OBSL1: variants seen among roughly 807,000 people sequenced by gnomAD.
OBSL1 encodes obscurin like cytoskeletal adaptor 1, also known as obscurin-like protein 1.
In OBSL1, 160 loss-of-function variants were observed where a neutral mutation model predicts 172.0. The observed-to-expected ratio is 0.93, with a 90% CI of 0.82 to 1.06. OBSL1 has a LOEUF of 1.06. Ranked by LOEUF, OBSL1 falls within the 50% of genes least tolerant of loss-of-function variation. OBSL1 has a pLI of 0.00. For synonymous variants in OBSL1, 1,200 were observed against 1,196.3 expected, an observed-to-expected ratio of 1.00 and a Z score of -0.06; for missense variants, 2,681 against 2,715.4, an observed-to-expected ratio of 0.99 and a Z score of 0.28.
Position 219,551,771 on chromosome 2 carries a change from G to A in OBSL1, c.5441C>T (p.Pro1814Leu), listed in dbSNP as rs199592039. Residue 1814 changes from proline (P) to leucine (L), a missense_variant, in exon 20 of 21, where the codon CCC (proline) becomes CTC (leucine). Around this residue, in one of 5 missense-constraint regions of OBSL1, gnomAD observed 1,765 missense variants for 1,748.3 expected, o/e 1.01. Coordinates refer to ENST00000404537, the MANE Select transcript of OBSL1 (RefSeq NM_015311.3). ...EALPLQMCRH[P>L]PREKTVLVGR... The stretch of plus-strand genomic sequence containing the variant: ...CACCAGAACGGTCTTCTCGCGAGGG[G>A]GGTGGCGGCACATCTGGAGAGGCAA... 397 of 1,591,990 alleles carry A rather than the reference G, an allele frequency of 2.5e-4. No homozygotes were observed. The highest frequency in any genetic ancestry group is 3.3e-4 in the Non-Finnish European group (382 of 1,167,238).
At chr2:219,549,419 C>T, downstream of OBSL1, 1 of 1,543,500 alleles carries the variant, frequency 6.5e-7, no homozygotes, top group Non-Finnish European at 8.8e-7. Context: ...CCAAACAGGA[C>T]TGGGCTTTCC....
Position 219,561,617 on chromosome 2 carries a change from G to A in OBSL1, c.2953+785C>T, listed in dbSNP as rs549371213. ...CCGTGTCTGCGTGCTGCTGGCTCCC[G>A]TGTGTGGAAGGGTGACTTTCTCCCA... On this transcript the variant is annotated intron_variant, in intron 8 of 20. Transcript: ENST00000404537. 240 of 459,632 alleles carry A rather than the reference G, an allele frequency of 5.2e-4. 6 individuals are homozygous for A. Among genetic ancestry groups the A allele is most frequent in the South Asian group, 4.5e-3 (190 of 42,516 alleles). The allele number at this position is 459,632 out of a possible 1,614,324, so 28.5% of individuals were successfully genotyped here. A position where few individuals can be genotyped will look rare whatever the true frequency, so the allele number is the denominator to read the frequency against.
chr2:219,554,001 A>G (rs1272441806), intron 15 of OBSL1, among the ~76,000 whole-genome samples: 1 of 151,708 alleles, frequency 6.6e-6, no homozygotes, highest in African/African-American at 2.4e-5. Flanking sequence ...GTCAGTGGGA[A>G]CATCCTGGGA....
At chr2:219,547,896 C>A (rs1273621785), downstream of OBSL1, 2 of 1,596,476 alleles carry the variant, frequency 1.3e-6, no homozygotes, top group South Asian at 2.2e-5. Context: ...CTGATCGCCA[C>A]TGCCGCTGAC....
At chr2:219,567,224 C>A in intron 4 of OBSL1, 49 bp downstream of exon 4, 1 of 1,564,006 alleles carries the variant, frequency 6.4e-7, no homozygotes, top group South Asian at 1.2e-5. Context: ...GCACTGAGGG[C>A]TGGGGAAGGG....
In OBSL1 at chr2:219,562,774, TGAA is replaced by T. The variant is rs149767294; in HGVS notation, c.2681-103_2681-101del. The T allele has an allele frequency of 1.7e-3, 2,314 of 1,329,454 alleles. 31 individuals are homozygous for T. The African/African-American group carries it at 0.03, about 18-fold the overall frequency. The allele number at this position is 1,329,454 out of a possible 1,614,324, so 82.4% of individuals were successfully genotyped here. Reference sequence around the variant, plus strand: ...TACCCCTGGAAAGTAGGCCATGTGTTGAAGAGGGACCTTCCTGAGACCAAATCT... The same window carrying T: ...TACCCCTGGAAAGTAGGCCATGTGTTGAGGGACCTTCCTGAGACCAAATCT... On this transcript the variant is annotated intron_variant, in intron 7 of 20. Transcript: ENST00000404537.
intron 7 of OBSL1, 176 bp downstream of exon 7, chr2:219,563,179 C>T: frequency 1.6e-6 from 1 of 641,988 alleles, no homozygotes; most frequent in South Asian, 2.4e-5. Context: ...CTTATGATAA[C>T]ACGTTTCCTG....
In OBSL1 at chr2:219,567,901, C is replaced by T. The variant is rs1697033493; in HGVS notation, c.1351G>A (p.Glu451Lys). The change falls in exon 3 of 21, where the codon GAA becomes AAA. Residue 451 changes from glutamate (E) to lysine (K), a missense_variant. Transcript: ENST00000404537. ...CCCTCGACCCCGGCCTCTAGAGTTT[C>T]CACTAGCAGCACAGCATTCTCTCCT... ...LEGENAVLLV[E>K]TLEAGVEGRW... 1 of 1,613,926 alleles carries T rather than the reference C, an allele frequency of 6.2e-7. No homozygotes were observed. The highest frequency in any genetic ancestry group is 2.2e-5 in the East Asian group (1 of 44,882).
At chr2:219,558,519 C>A in intron 9 of OBSL1, 60 bp from the exon 10 acceptor site, 3 of 1,478,466 alleles carry the variant, frequency 2.0e-6, no homozygotes, top group Non-Finnish European at 2.7e-6. Context: ...TCCTGCCTCA[C>A]CCGCCAGATC....
At position 219,563,568 on chromosome 2, in the gene OBSL1, C is replaced by T. The variant is rs770552541; in HGVS notation, c.2467G>A (p.Glu823Lys). The change falls in exon 7 of 21, where the codon GAG becomes AAG. Residue 823 changes from glutamate to lysine, a missense_variant. Glu to Lys is a moderately conservative substitution (Grantham distance 56, BLOSUM62 1). Transcript: ENST00000404537. ...EHVFVHAITS[E>K]CVMLACEVDR... is the part of the protein sequence containing the mutation. Reference sequence around the variant, plus strand: ...ACCTCACAGGCCAGCATGACACACTCGGAAGTTATGGCATGCACGAACACA... The same window carrying T: ...ACCTCACAGGCCAGCATGACACACTTGGAAGTTATGGCATGCACGAACACA... 1.1e-5 allele frequency: 18 copies of T among 1,613,630 alleles called. No homozygotes were observed. Among genetic ancestry groups the T allele is most frequent in the African/African-American group, 1.3e-5 (1 of 74,862 alleles).
rs1697133519 is a variant in OBSL1, at chr2:219,568,933, GA to G, written c.1013-610del. ...GGCTAATGATTTTGTATTTTTAGTAGAGATGGGGTTTTGCCATGTTGGCCAG... is the reference window on the plus strand; with the variant it reads ...GGCTAATGATTTTGTATTTTTAGTAGGATGGGGTTTTGCCATGTTGGCCAG... On this transcript the variant is annotated intron_variant, in intron 1 of 20. Coordinates refer to ENST00000404537, the MANE Select transcript of OBSL1 (RefSeq NM_015311.3). The surrounding 1 kb of genome is among the most constrained non-coding windows in gnomAD (Gnocchi z 4.1). 1.3e-5 allele frequency among the ~76,000 whole-genome samples: 2 copies of G among 152,022 alleles called. No homozygotes were observed. Among genetic ancestry groups the G allele is most frequent in the East Asian group, 3.9e-4 (2 of 5,170 alleles).
chr2:219,560,617 G>GTGGGGGC (rs1326913444), intron 8 of OBSL1, among the ~76,000 whole-genome samples: 2 of 151,922 alleles, frequency 1.3e-5, no homozygotes, highest in Non-Finnish European at 1.5e-5. Context: ...GGTTGGGGGG[G>GTGGGGGC]TGGGGGCTGG....
chr2:219,553,479 G>A, intron 16 of OBSL1, 95 bp downstream of exon 16: 1 of 904,026 alleles, frequency 1.1e-6, no homozygotes, highest in Admixed American at 2.0e-5. Context: ...ACAGTGCCAG[G>A]CACATCCGCT....
downstream of OBSL1, chr2:219,549,830 C>T (rs1695511191): frequency 6.2e-7 from 1 of 1,614,126 alleles, no homozygotes; most frequent in Non-Finnish European, 8.5e-7. Flanking sequence ...TGACAGCCTG[C>T]TCAGGCCCCC....
In OBSL1 at chr2:219,570,330, G is replaced by A. The variant is rs201632798; in HGVS notation, c.903C>T (p.Gly301=). Reference sequence around the variant, plus strand: ...GGCAGTAAAGCACCTTGAGCACGAAGCCGCCGTCGCGGTCGCGGTACATGA... The same window carrying A: ...GGCAGTAAAGCACCTTGAGCACGAAACCGCCGTCGCGGTCGCGGTACATGA... ...RRLMYRDRDG[G]FVLKVLYCQA... The change falls in exon 1 of 21, where the codon GGC becomes GGT. Residue 301 remains glycine, a synonymous_variant. Transcript: ENST00000404537. 5.5e-4 allele frequency: 883 copies of A among 1,612,198 alleles called. 3 individuals carry two copies. In the African/African-American group the frequency reaches 8.5e-3, roughly 16 times the overall value.
At position 219,570,554 on chromosome 2, in the gene OBSL1, G is replaced by T. The variant is rs1574586668; in HGVS notation, c.679C>A (p.His227Asn). Reference sequence around the variant, plus strand: ...GCGGGCGGGCTCTCGGGGGGCTGGTGCACCTGGAGCAGCGCCCCCGCCTGC... The same window carrying T: ...GCGGGCGGGCTCTCGGGGGGCTGGTTCACCTGGAGCAGCGCCCCCGCCTGC... ...HAQAGALLQV[H>N]QPPESPPADP... is the part of the protein sequence containing the mutation. The change falls in exon 1 of 21, where the codon CAC (histidine) becomes AAC (asparagine). Residue 227 changes from histidine to asparagine, a missense_variant. Physicochemically the swap from His to Asn is moderately conservative, Grantham distance 68 (BLOSUM62 1). Around this residue, in one of 5 missense-constraint regions of OBSL1, gnomAD observed 706 missense variants for 695.8 expected, o/e 1.01. Coordinates refer to ENST00000404537, the MANE Select transcript of OBSL1 (RefSeq NM_015311.3). 1 of 1,580,888 alleles carries T rather than the reference G, an allele frequency of 6.3e-7. No individual in the cohort carries two copies. Among genetic ancestry groups the T allele is most frequent in the Non-Finnish European group, 8.6e-7 (1 of 1,165,658 alleles).
downstream of OBSL1, chr2:219,547,837 C>G (rs1199798396): frequency 1.9e-5 from 30 of 1,587,508 alleles, no homozygotes; most frequent in Admixed American, 5.0e-4. Flanking sequence ...TCACTCTGCG[C>G]TGGCCCCGCC....
chr2:219,547,434 G>A, downstream of OBSL1: 1 of 1,241,286 alleles, frequency 8.1e-7, no homozygotes, highest in Non-Finnish European at 1.1e-6. Flanking sequence ...CCATGTCCTT[G>A]ACCCCTTGGA....
At chr2:219,562,925 A>C in intron 7 of OBSL1, 1 of 557,158 alleles carries the variant, frequency 1.8e-6, no homozygotes, top group Non-Finnish European at 3.2e-6. Flanking sequence ...TCGGCTGTAG[A>C]AACGCTCCAC....
Sources: gnomAD v4.1 joint callset for allele counts (sites outside exome capture counted in the v4.1 genomes callset) on GRCh38, gnomAD v4.1.1 for gene constraint, gnomAD v4.1.1 regional missense constraint, Gnocchi (gnomAD v3.1) non-coding constraint, MANE v1.5 for transcripts, NCBI Gene and HGNC (gene_info 2026-07-23, HGNC 2026-07-21) for gene names.